DLG1: variants seen among roughly 807,000 people sequenced by gnomAD.
DLG1 encodes the protein disks large homolog 1.
In DLG1, 42 loss-of-function variants were observed where a neutral mutation model predicts 123.4. The ratio of observed to expected loss-of-function variants is 0.34; its 90% CI spans 0.27 to 0.44. The LOEUF is 0.44. DLG1 is among the 20% of genes least tolerant of loss of function. The pLI is 1.00. For missense variants in DLG1, 942 were observed against 1,082.6 expected, an observed-to-expected ratio of 0.87 and a Z score of 1.82; for synonymous variants, 317 against 356.2, an observed-to-expected ratio of 0.89 and a Z score of 1.24.
chr3:197,293,314 AAACTTT>A, intron 3 of DLG1, among the ~76,000 whole-genome samples: 1 of 152,232 alleles, frequency 6.6e-6, no homozygotes, highest in African/African-American at 2.4e-5. Context: ...AAATTAGTAA[AAACTTT>A]TCTGCTTTCA....
intron 4 of DLG1, among the ~76,000 whole-genome samples, chr3:197,236,023 A>C (rs1745792180): frequency 6.6e-6 from 1 of 152,234 alleles, no homozygotes; most frequent in Admixed American, 6.5e-5. Context: ...TCATTCAAAA[A>C]TAAAGGCAGG....
chr3:197,160,330 A>G (rs1798290404), intron 5 of DLG1, among the ~76,000 whole-genome samples: 2 of 151,728 alleles, frequency 1.3e-5, no homozygotes, highest in Admixed American at 1.3e-4. Flanking sequence ...CAAAAAATTG[A>G]CTGAAGTGAG....
rs545075570 is a variant in DLG1, at chr3:197,131,680, G to A, written c.1021-1009C>T. Among the ~76,000 whole-genome samples the A allele has an allele frequency of 1.5e-3, 194 of 125,642 alleles. 1 individual carries two copies. Among genetic ancestry groups the A allele is most frequent in the Middle Eastern group, 5.4e-3 (1 of 186 alleles). 82.4% of individuals were successfully genotyped at this position (125,642 alleles called of 152,430 possible). A position where few individuals can be genotyped will look rare whatever the true frequency, so the allele number is the denominator to read the frequency against. ...GGGATCTCAGCTCACTGCAAGCTCC[G>A]CCTCCCGGGTTCACGCCATTCTCCT... On this transcript the variant is annotated intron_variant, in intron 10 of 24. Coordinates refer to ENST00000667157, the MANE Select transcript of DLG1 (RefSeq NM_001366207.1).
intron 1 of DLG1, chr3:197,297,570 CG>C: frequency 9.6e-7 from 1 of 1,045,034 alleles, no homozygotes. Context: ...GCGGGTGAAG[CG>C]CTCCGACCCT....
intron 3 of DLG1, among the ~76,000 whole-genome samples, chr3:197,295,595 T>C (rs1008405312): frequency 1.3e-5 from 2 of 152,162 alleles, no homozygotes; most frequent in Non-Finnish European, 2.9e-5. Flanking sequence ...CCTTGTTTTA[T>C]ACATAGGAGA....
intron 10 of DLG1, among the ~76,000 whole-genome samples, chr3:197,135,842 CACTCTGTCACCCAG>C (rs1315801456): frequency 2.7e-5 from 4 of 148,842 alleles, no homozygotes; most frequent in African/African-American, 1.0e-4. Flanking sequence ...GATGGGCTTT[CACTCTGTCACCCAG>C]ACTGCAGTGC....
intron 5 of DLG1, among the ~76,000 whole-genome samples, chr3:197,186,423 C>G (rs1716033517): frequency 6.6e-6 from 1 of 152,154 alleles, no homozygotes; most frequent in Non-Finnish European, 1.5e-5. Flanking sequence ...CTATTAACAT[C>G]TTAATATGAT....
chr3:197,167,642 G>A (rs1802085804), intron 5 of DLG1, among the ~76,000 whole-genome samples: 2 of 152,144 alleles, frequency 1.3e-5, no homozygotes, highest in South Asian at 4.1e-4. Context: ...TCAAAGTCAT[G>A]AAAGTCTAAC....
At chr3:197,161,502 G>A in intron 5 of DLG1, 1 of 476,092 alleles carries the variant, frequency 2.1e-6, no homozygotes, top group Non-Finnish European at 3.6e-6. Context: ...AAATGTTTAA[G>A]TCCCTAAAAC....
chr3:197,214,581 AG>A (rs1294807990), intron 4 of DLG1, among the ~76,000 whole-genome samples: 1 of 152,160 alleles, frequency 6.6e-6, no homozygotes, highest in Non-Finnish European at 1.5e-5. Context: ...TCAAAAAAAA[AG>A]AAATGATACT....
At chr3:197,233,920 A>G (rs1744604883) in intron 4 of DLG1, among the ~76,000 whole-genome samples, 1 of 152,236 alleles carries the variant, frequency 6.6e-6, no homozygotes, top group Non-Finnish European at 1.5e-5. Flanking sequence ...TCCATCCATT[A>G]TACACTGGAA....
At chr3:197,164,921 C>CA (rs11406646) in intron 5 of DLG1, among the ~76,000 whole-genome samples, 17,912 of 138,308 alleles carry the variant, frequency 0.13, 1,434 homozygotes, top group African/African-American at 0.23. Flanking sequence ...AAGACTATCT[C>CA]AAAAAAAGAA....
intron 18 of DLG1, chr3:197,075,868 C>A (rs1746894942): frequency 1.2e-6 from 2 of 1,611,908 alleles, no homozygotes; most frequent in African/African-American, 2.7e-5. Flanking sequence ...CGTCAGGGAT[C>A]TCCTGTAGAG....
chr3:197,085,120 G>A (rs1052221776), intron 16 of DLG1, among the ~76,000 whole-genome samples: 4 of 150,984 alleles, frequency 2.6e-5, no homozygotes, highest in African/African-American at 7.3e-5. Context: ...ACAACTTAAT[G>A]ATTTTATATA....
Position 197,052,585 on chromosome 3 carries a change from C to CA in DLG1, c.2484-918dup, listed in dbSNP as rs564030056. 5.3e-5 allele frequency among the ~76,000 whole-genome samples: 8 copies of CA among 152,130 alleles called. No individual in the cohort carries two copies. The South Asian group carries it at 1.0e-3, about 20-fold the overall frequency. On this transcript the variant is annotated intron_variant, in intron 23 of 24. Coordinates refer to ENST00000667157, the MANE Select transcript of DLG1 (RefSeq NM_001366207.1). ...AAATTCTGCATCAGCTCAGTGTAGC[C>CA]AAAAAACCTATTCATTAATTTATGA...
chr3:197,226,671 A>G (rs1433848152), intron 4 of DLG1, among the ~76,000 whole-genome samples: 1 of 152,242 alleles, frequency 6.6e-6, no homozygotes, highest in Non-Finnish European at 1.5e-5. Flanking sequence ...TGGACAGTAA[A>G]AAAAGTTCAG....
At chr3:197,085,401 G>T in intron 16 of DLG1, 179 bp downstream of exon 16, 1 of 609,976 alleles carries the variant, frequency 1.6e-6, no homozygotes, top group Non-Finnish European at 2.8e-6. Context: ...GTATGACTTC[G>T]ACTACTTTAG....
At chr3:197,081,174 T>C (rs1750911457) in intron 16 of DLG1, 57 bp from the exon 17 acceptor site, 1 of 1,500,780 alleles carries the variant, frequency 6.7e-7, no homozygotes, top group East Asian at 2.3e-5. Flanking sequence ...GGGGTCTTAC[T>C]AGAAATAACC....
intron 19 of DLG1, 75 bp from the exon 20 acceptor site, chr3:197,066,829 T>G: frequency 3.1e-6 from 3 of 959,884 alleles, no homozygotes; most frequent in Non-Finnish European, 4.9e-6. Context: ...ATAAACAACA[T>G]ATACATTACT....
Sources: gnomAD v4.1 joint callset for allele counts (sites outside exome capture counted in the v4.1 genomes callset) on GRCh38, gnomAD v4.1.1 for gene constraint, MANE v1.5 for transcripts, NCBI Gene and HGNC (gene_info 2026-07-23, HGNC 2026-07-21) for gene names.